TRIM36: variants seen among roughly 807,000 people sequenced by gnomAD.
The protein encoded by TRIM36 is tripartite motif containing 36.
TRIM36 carries 42 observed loss-of-function variants against 72.4 expected under a neutral mutation model. That is an observed-to-expected ratio of 0.58 (90% CI 0.45 to 0.75). TRIM36 has a LOEUF of 0.75. TRIM36 is among the 30% of genes least tolerant of loss of function. The pLI, the probability that TRIM36 is intolerant of heterozygous loss-of-function variation, is 0.00. For synonymous variants in TRIM36, 315 were observed against 282.8 expected (o/e 1.11, Z -1.14); for missense variants, 913 against 857.1 (o/e 1.07, Z -0.81).
Position 115,126,279 on chromosome 5 carries a change from C to T in TRIM36, c.*224G>A. ...AGTCCAGTTGCAAAGTTAACCACTT[C>T]AGTATTAACTTGGAAAGAACATCTT... On this transcript the variant is annotated 3_prime_UTR_variant, in exon 10 of 10. Transcript: ENST00000513154. 2 of 499,446 alleles carry T rather than the reference C, an allele frequency of 4.0e-6. No homozygotes were observed. 30.9% of individuals were successfully genotyped at this position (499,446 alleles called of 1,614,324 possible).
At chr5:115,132,820 C>T (rs541593734) in intron 8 of TRIM36, among the ~76,000 whole-genome samples, 1 of 152,260 alleles carries the variant, frequency 6.6e-6, no homozygotes, top group East Asian at 1.9e-4. Context: ...GGTTTTTCTT[C>T]CACTTTCAGG....
intron 1 of TRIM36, among the ~76,000 whole-genome samples, chr5:115,178,612 C>T (rs1755458343): frequency 6.6e-6 from 1 of 152,196 alleles, no homozygotes; most frequent in Non-Finnish European, 1.5e-5. Context: ...CTCGGATATA[C>T]TGGACAGTGT....
chr5:115,137,331 T>A lies in TRIM36; in HGVS notation c.1085+32A>T, dbSNP rs762074265. The A allele has an allele frequency of 1.9e-6, 3 of 1,578,888 alleles. No individual in the cohort carries two copies. The South Asian group carries it at 3.6e-5, about 19-fold the overall frequency. ...AGCAGCATTTAATAACATTGCTCAA[T>A]AGGTTCTAAAGTTAGAAGTAAAAGA... On this transcript the variant is annotated intron_variant, in intron 6 of 9. Coordinates refer to ENST00000513154, the MANE Select transcript of TRIM36 (RefSeq NM_001300759.2).
chr5:115,176,297 G>A (rs535120098), intron 1 of TRIM36, among the ~76,000 whole-genome samples: 13 of 152,196 alleles, frequency 8.5e-5, no homozygotes, highest in Admixed American at 4.6e-4. Context: ...CCTTTTATTA[G>A]TCTAGATTTG....
rs766489068 is a variant in TRIM36, at chr5:115,130,664, A to C, written c.1724T>G (p.Val575Gly). The change falls in exon 9 of 10, where the codon GTA becomes GGA. Residue 575 changes from valine (V) to glycine (G), a missense_variant. Coordinates refer to ENST00000513154, the MANE Select transcript of TRIM36 (RefSeq NM_001300759.2). ...AFRVEPYSYL[V>G]KVGVASSDKL... The stretch of plus-strand genomic sequence containing the variant: ...ATCGCTAGAAGCAACTCCCACTTTT[A>C]CCAGGTATGAATATGGTTCCACACG... 6.2e-7 allele frequency: 1 copy of C among 1,614,204 alleles called. No homozygotes were observed. The highest frequency in any genetic ancestry group is 8.5e-7 in the Non-Finnish European group (1 of 1,180,034).
chr5:115,162,141 C>A (rs1754519235), intron 2 of TRIM36, among the ~76,000 whole-genome samples: 1 of 152,196 alleles, frequency 6.6e-6, no homozygotes, highest in African/African-American at 2.4e-5. Context: ...TCTGCAGTCA[C>A]CCCTTCTCAT....
chr5:115,155,297 G>A (rs976327717), intron 2 of TRIM36, among the ~76,000 whole-genome samples: 8 of 151,820 alleles, frequency 5.3e-5, no homozygotes, highest in Non-Finnish European at 7.4e-5. Context: ...GCAGTGAGCC[G>A]AGATCGCACC....
At chr5:115,152,844 T>C (rs1038469121) in intron 2 of TRIM36, among the ~76,000 whole-genome samples, 3 of 152,132 alleles carry the variant, frequency 2.0e-5, no homozygotes, top group Non-Finnish European at 4.4e-5. Flanking sequence ...AAGCCTCCTC[T>C]AAAAGAACTG....
At chr5:115,171,594 T>G, upstream of TRIM36, among the ~76,000 whole-genome samples, 1 of 152,244 alleles carries the variant, frequency 6.6e-6, no homozygotes, top group East Asian at 1.9e-4. Flanking sequence ...CACACCTGCT[T>G]TGATCCAAAA....
At chr5:115,131,951 G>A in intron 8 of TRIM36, among the ~76,000 whole-genome samples, 1 of 152,006 alleles carries the variant, frequency 6.6e-6, no homozygotes, top group East Asian at 1.9e-4. Context: ...AGGTAAAAGT[G>A]GTGATATTTA....
intron 2 of TRIM36, among the ~76,000 whole-genome samples, chr5:115,147,829 G>C (rs1038762376): frequency 2.0e-5 from 3 of 152,148 alleles, no homozygotes; most frequent in African/African-American, 7.2e-5. Context: ...AAGAGCAGGG[G>C]TCCCTAGCAC....
intron 4 of TRIM36, among the ~76,000 whole-genome samples, chr5:115,143,131 G>C (rs1393276425): frequency 1.4e-5 from 2 of 139,462 alleles, no homozygotes; most frequent in African/African-American, 5.5e-5. Flanking sequence ...AACTGTCCAA[G>C]CCCAGGCAAA....
upstream of TRIM36, chr5:115,171,357 C>T (rs1755109681): frequency 1.7e-5 from 21 of 1,270,854 alleles, no homozygotes; most frequent in South Asian, 2.8e-4. Context: ...TGTTCTGATC[C>T]GGATTAATGC....
Position 115,160,509 on chromosome 5 carries a change from A to G in TRIM36, c.262+3009T>C, listed in dbSNP as rs1460218748. Among the ~76,000 whole-genome samples, 8 of 152,272 alleles carry G rather than the reference A, an allele frequency of 5.3e-5. No homozygotes were observed. The East Asian group carries it at 1.4e-3, about 26-fold the overall frequency. On this transcript the variant is annotated intron_variant, in intron 2 of 9. Transcript: ENST00000513154. The stretch of plus-strand genomic sequence containing the variant: ...ATGTGGCTAGTGGCTACCATACTGG[A>G]CAATCCGGGTTTAATTAATCCCTTT...
At chr5:115,152,721 A>C (rs1753960590) in intron 2 of TRIM36, among the ~76,000 whole-genome samples, 1 of 151,042 alleles carries the variant, frequency 6.6e-6, no homozygotes, top group African/African-American at 2.4e-5. Context: ...TCAGCCTCCT[A>C]AAAAAAAATT....
upstream of TRIM36, chr5:115,171,100 C>G: frequency 6.2e-7 from 1 of 1,614,180 alleles, no homozygotes; most frequent in Non-Finnish European, 8.5e-7. Flanking sequence ...CGAGACATCT[C>G]GTTTAGGTTT....
At position 115,144,685 on chromosome 5, in the gene TRIM36, C is replaced by T. The variant is rs1753482792; in HGVS notation, c.648G>A (p.Arg216=). 2 of 1,614,112 alleles carry T rather than the reference C, an allele frequency of 1.2e-6. No individual in the cohort carries two copies. The highest frequency in any genetic ancestry group is 1.7e-6 in the Non-Finnish European group (2 of 1,180,002). The change falls in exon 4 of 10, where the codon AGG becomes AGA. Residue 216 remains arginine (R), a synonymous_variant. Coordinates refer to ENST00000513154, the MANE Select transcript of TRIM36 (RefSeq NM_001300759.2). The part of the protein sequence containing the change: ...ERINMYCELC[R]RPVCHLCKLG... ...ACTTACACAGATGGCAAACTGGCCT[C>T]CTACATAATTCACAGTACATGTTTA...
At chr5:115,140,402 T>C (rs1753214007) in intron 5 of TRIM36, among the ~76,000 whole-genome samples, 2 of 152,220 alleles carry the variant, frequency 1.3e-5, no homozygotes, top group Non-Finnish European at 2.9e-5. Context: ...AATGCTGTTA[T>C]CTTTTCTAAT....
chr5:115,132,304 T>C (rs999906242), intron 8 of TRIM36, among the ~76,000 whole-genome samples: 2 of 151,156 alleles, frequency 1.3e-5, no homozygotes, highest in South Asian at 2.1e-4. Flanking sequence ...GAGGCCGAGG[T>C]GGGTGGATCA....
Sources: gnomAD v4.1 joint callset for allele counts (sites outside exome capture counted in the v4.1 genomes callset) on GRCh38, gnomAD v4.1.1 for gene constraint, MANE v1.5 for transcripts, NCBI Gene and HGNC (gene_info 2026-07-23, HGNC 2026-07-21) for gene names.